PTPRN2: variants seen among roughly 807,000 people sequenced by gnomAD.
The protein encoded by PTPRN2 is receptor-type tyrosine-protein phosphatase N2.
Under a neutral mutation model 118.8 loss-of-function variants are expected in PTPRN2, and 74 were observed. That is an observed-to-expected ratio of 0.62 (90% CI 0.52 to 0.76). The LOEUF (loss-of-function observed/expected upper bound fraction) is 0.76, where lower values mean the gene tolerates loss of function less well. Ranked by LOEUF, PTPRN2 falls within the 30% of genes least tolerant of loss-of-function variation. The probability of loss-of-function intolerance (pLI) is 0.00; values close to 1 mark genes in which losing one functional copy is unlikely to be tolerated. For missense variants in PTPRN2, 1,481 were observed against 1,394.4 expected (o/e 1.06, Z -0.99); for synonymous variants, 641 against 608.0 (o/e 1.05, Z -0.80).
intron 11 of PTPRN2, among the ~76,000 whole-genome samples, chr7:157,915,972 T>A (rs946359014): frequency 6.6e-6 from 1 of 152,204 alleles, no homozygotes; most frequent in Non-Finnish European, 1.5e-5. Flanking sequence ...GCTTATGAAG[T>A]AAAACTCATT....
At chr7:157,751,601 A>T (rs1433415488) in intron 12 of PTPRN2, among the ~76,000 whole-genome samples, 3 of 151,748 alleles carry the variant, frequency 2.0e-5, no homozygotes. Flanking sequence ...GACACACGAG[A>T]TCATTGTTTG....
In PTPRN2 at chr7:157,893,714, C is replaced by T. The variant is rs1459007855; in HGVS notation, c.1788+4959G>A. On this transcript the variant is annotated intron_variant, in intron 12 of 22. Coordinates refer to ENST00000389418, the MANE Select transcript of PTPRN2 (RefSeq NM_002847.5). This position sits in a 1 kb window ranked among gnomAD's most constrained non-coding sequence, Gnocchi z 4.0. ...CCTGTGGCCATACACACCTGTTGCT[C>T]GGTGAATGGGTCAGGGCTGGAGACG... 1.5e-4 allele frequency among the ~76,000 whole-genome samples: 23 copies of T among 152,106 alleles called. No homozygotes were observed. The highest frequency in any genetic ancestry group is 1.0e-3 in the Admixed American group (16 of 15,276).
At chr7:158,029,892 C>G (rs1406413896) in intron 11 of PTPRN2, 1 of 152,348 alleles carries the variant, frequency 6.6e-6, no homozygotes, top group Non-Finnish European at 1.5e-5. Context: ...CGTTCACAGG[C>G]TTCTCCTCCC....
In PTPRN2 at chr7:157,741,440, G is replaced by C. The variant is rs73744864; in HGVS notation, c.1789-58503C>G. Among the ~76,000 whole-genome samples the C allele has an allele frequency of 7.2e-3, 1,095 of 152,242 alleles. 18 individuals are homozygous for C. The highest frequency in any genetic ancestry group is 0.024 in the African/African-American group (989 of 41,530). ...CCCACTGAAGGCTCTTCGGCACCTA[G>C]AGCCCCATCATCCCTTCCCCGTGTG... On this transcript the variant is annotated intron_variant, in intron 12 of 22. Transcript: ENST00000389418.
intron 6 of PTPRN2, among the ~76,000 whole-genome samples, chr7:158,152,016 A>C (rs1821231155): frequency 1.3e-5 from 2 of 152,076 alleles, no homozygotes; most frequent in Admixed American, 1.3e-4. Flanking sequence ...TACTAAAAAT[A>C]CAAAAAAATT....
chr7:158,582,068 ACACACTGTTTC>A (rs1828652596), intron 1 of PTPRN2, among the ~76,000 whole-genome samples: 4 of 152,228 alleles, frequency 2.6e-5, no homozygotes, highest in Admixed American at 1.3e-4. Flanking sequence ...CCTTCCTTCA[ACACACTGTTTC>A]CACACTGTTT....
In PTPRN2 at chr7:157,794,849, A is replaced by C. The variant is rs1346242437; in HGVS notation, c.1788+103824T>G. Reference sequence around the variant, plus strand: ...TCACAAGCAAAATTTAAATCACAAAATACTTCATATCTGCCTGCACTCATT... The same window carrying C: ...TCACAAGCAAAATTTAAATCACAAACTACTTCATATCTGCCTGCACTCATT... On this transcript the variant is annotated intron_variant, in intron 12 of 22. Coordinates refer to ENST00000389418, the MANE Select transcript of PTPRN2 (RefSeq NM_002847.5). This position sits in a 1 kb window ranked among gnomAD's most constrained non-coding sequence, Gnocchi z 5.2. Among the ~76,000 whole-genome samples, 1 of 152,222 alleles carries C rather than the reference A, an allele frequency of 6.6e-6. No individual in the cohort carries two copies. Among genetic ancestry groups the C allele is most frequent in the Non-Finnish European group, 1.5e-5 (1 of 68,042 alleles).
At chr7:157,950,076 A>T (rs1000515012) in intron 11 of PTPRN2, among the ~76,000 whole-genome samples, 4 of 152,270 alleles carry the variant, frequency 2.6e-5, no homozygotes, top group African/African-American at 9.6e-5. Flanking sequence ...TGGTAAAAAA[A>T]TTTAAAATAA....
chr7:158,549,940 G>A (rs544274638), intron 1 of PTPRN2, among the ~76,000 whole-genome samples: 1 of 152,342 alleles, frequency 6.6e-6, no homozygotes, highest in Non-Finnish European at 1.5e-5. Context: ...CGAAAGGGAA[G>A]CAGGCCTGGG....
chr7:157,664,783 C>G lies in PTPRN2; in HGVS notation c.2002-8232G>C, dbSNP rs1046456555. On this transcript the variant is annotated intron_variant, in intron 13 of 22. Transcript: ENST00000389418. Reference sequence around the variant, plus strand: ...GCCTACACCCGCCAAAAATACAGAGCTATGATCTCGAGAGCATTTTATTTG... The same window carrying G: ...GCCTACACCCGCCAAAAATACAGAGGTATGATCTCGAGAGCATTTTATTTG... 3.9e-5 allele frequency among the ~76,000 whole-genome samples: 6 copies of G among 152,166 alleles called. No homozygotes were observed. In the East Asian group the frequency reaches 9.6e-4, roughly 24 times the overall value.
At chr7:157,682,464 C>T (rs1471023172) in intron 13 of PTPRN2, among the ~76,000 whole-genome samples, 1 of 152,144 alleles carries the variant, frequency 6.6e-6, no homozygotes, top group Non-Finnish European at 1.5e-5. Context: ...GTACTTTTTC[C>T]ACACTTCTAA....
intron 12 of PTPRN2, among the ~76,000 whole-genome samples, chr7:157,828,696 A>G (rs1266877568): frequency 6.6e-6 from 1 of 152,336 alleles, no homozygotes; most frequent in Non-Finnish European, 1.5e-5. Flanking sequence ...ATTCAACAAA[A>G]CCAGGTAAAC....
chr7:158,559,320 T>C (rs1827231167), intron 1 of PTPRN2, among the ~76,000 whole-genome samples: 1 of 152,218 alleles, frequency 6.6e-6, no homozygotes, highest in African/African-American at 2.4e-5. Context: ...CTCAACACTG[T>C]AATATTTTAA....
Position 158,003,991 on chromosome 7 carries a change from T to G in PTPRN2, c.1723+77307A>C, listed in dbSNP as rs1173095215. On this transcript the variant is annotated intron_variant, in intron 11 of 22. Transcript: ENST00000389418. The surrounding 1 kb of genome is among the most constrained non-coding windows in gnomAD (Gnocchi z 5.0). Reference sequence around the variant, plus strand: ...GTCAGCACCTTGGGAGCCTGGCCAGTGTTTCATTTCACTGAGTTCCAGAAG... The same window carrying G: ...GTCAGCACCTTGGGAGCCTGGCCAGGGTTTCATTTCACTGAGTTCCAGAAG... Among the ~76,000 whole-genome samples, 1 of 152,150 alleles carries G rather than the reference T, an allele frequency of 6.6e-6. No homozygotes were observed. The highest frequency in any genetic ancestry group is 1.5e-5 in the Non-Finnish European group (1 of 68,030).
intron 21 of PTPRN2, among the ~76,000 whole-genome samples, chr7:157,567,383 C>T (rs1237905074): frequency 6.6e-6 from 1 of 152,180 alleles, no homozygotes; most frequent in Non-Finnish European, 1.5e-5. Flanking sequence ...CCCCAGCAGC[C>T]AGCAAAGGAT....
chr7:157,992,771 TC>T (rs1184906737), intron 11 of PTPRN2, among the ~76,000 whole-genome samples: 1 of 152,206 alleles, frequency 6.6e-6, no homozygotes, highest in Non-Finnish European at 1.5e-5. Context: ...TGGACTGTCC[TC>T]CAGAGTCCAG....
chr7:157,656,844 C>CCACA lies in PTPRN2; in HGVS notation c.2002-297_2002-294dup, dbSNP rs746304890. Among the ~76,000 whole-genome samples the CCACA allele has an allele frequency of 7.3e-5, 9 of 123,412 alleles. No homozygotes were observed. In the South Asian group the frequency reaches 9.8e-4, roughly 13 times the overall value. 81.0% of individuals were successfully genotyped at this position (123,412 alleles called of 152,430 possible). A position where few individuals can be genotyped will look rare whatever the true frequency, so the allele number is the denominator to read the frequency against. ...ACACACACACATATACACACACACA[C>CCACA]CACACACACACACACATCACACATA... On this transcript the variant is annotated intron_variant, in intron 13 of 22. Transcript: ENST00000389418.
chr7:158,151,514 T>TGCCTCTCCCAGCCCA (rs1563522262), intron 6 of PTPRN2, among the ~76,000 whole-genome samples: 1 of 146,076 alleles, frequency 6.8e-6, no homozygotes, highest in African/African-American at 2.5e-5. Context: ...TTTCTGCTCC[T>TGCCTCTCCCAGCCCA]CACCGCACGT....
chr7:157,910,123 C>T lies in PTPRN2; in HGVS notation c.1724-11386G>A, dbSNP rs1037680475. On this transcript the variant is annotated intron_variant, in intron 11 of 22. Coordinates refer to ENST00000389418, the MANE Select transcript of PTPRN2 (RefSeq NM_002847.5). The stretch of plus-strand genomic sequence containing the variant: ...TATCTGAGGATTCCTGATTTGCAGT[C>T]TCATGATTCTCTTCCAATACCGGCT... Among the ~76,000 whole-genome samples, 3 of 152,378 alleles carry T rather than the reference C, an allele frequency of 2.0e-5. No homozygotes were observed. The South Asian group carries it at 6.2e-4, about 32-fold the overall frequency.
Sources: gnomAD v4.1 joint callset for allele counts (sites outside exome capture counted in the v4.1 genomes callset) on GRCh38, gnomAD v4.1.1 for gene constraint, Gnocchi (gnomAD v3.1) non-coding constraint, MANE v1.5 for transcripts, NCBI Gene and HGNC (gene_info 2026-07-23, HGNC 2026-07-21) for gene names.